NAPB: variants seen among roughly 807,000 people sequenced by gnomAD.
The protein encoded by NAPB is NSF attachment protein beta.
NAPB carries 26 observed loss-of-function variants against 44.7 expected under a neutral mutation model. The ratio of observed to expected loss-of-function variants is 0.58; its 90% CI spans 0.43 to 0.81. The LOEUF is 0.81. Among genes scored for constraint, NAPB ranks in the 30% least tolerant of loss-of-function variants. NAPB has a pLI of 0.00. For missense variants in NAPB, 315 were observed against 356.4 expected, an observed-to-expected ratio of 0.88 and a Z score of 0.94; for synonymous variants, 120 against 116.8, an observed-to-expected ratio of 1.03 and a Z score of -0.18.
In NAPB at chr20:23,377,240, G is replaced by A. The variant is rs1028001618; in HGVS notation, c.*136C>T. ...CATTTCACAGCAACACAGACTTGGC[G>A]AGCTTAAACAATACACAGGCCGTCT... On this transcript the variant is annotated 3_prime_UTR_variant, in exon 11 of 11. Coordinates refer to ENST00000377026, the MANE Select transcript of NAPB (RefSeq NM_022080.3). 12 of 436,538 alleles carry A rather than the reference G, an allele frequency of 2.7e-5. No homozygotes were observed. The highest frequency in any genetic ancestry group is 3.7e-5 in the Non-Finnish European group (9 of 243,128). 27.0% of individuals were successfully genotyped at this position (436,538 alleles called of 1,614,324 possible).
intron 2 of NAPB, among the ~76,000 whole-genome samples, chr20:23,399,951 T>G (rs1371251579): frequency 6.6e-6 from 1 of 152,202 alleles, no homozygotes; most frequent in East Asian, 1.9e-4. Context: ...CCATCTTTTT[T>G]TTACAATCTA....
intron 1 of NAPB, among the ~76,000 whole-genome samples, chr20:23,413,526 T>C (rs1985798697): frequency 6.6e-6 from 1 of 151,568 alleles, no homozygotes; most frequent in Non-Finnish European, 1.5e-5. Flanking sequence ...AAAGTATAAG[T>C]CAGTAAGACA....
chr20:23,420,497 G>A (rs980549654), intron 1 of NAPB, among the ~76,000 whole-genome samples: 6 of 152,058 alleles, frequency 3.9e-5, no homozygotes, highest in Admixed American at 2.6e-4. Flanking sequence ...TCCCCGGCGG[G>A]GCCCACCTGC....
chr20:23,379,800 A>G (rs1982851341), intron 9 of NAPB, 67 bp downstream of exon 9: 1 of 1,214,500 alleles, frequency 8.2e-7, no homozygotes, highest in African/African-American at 1.5e-5. Flanking sequence ...TTCATACCCA[A>G]TCCCACTTAG....
intron 2 of NAPB, among the ~76,000 whole-genome samples, chr20:23,398,479 C>CCTGCCT (rs1984546211): frequency 6.6e-6 from 1 of 152,082 alleles, no homozygotes; most frequent in African/African-American, 2.4e-5. Context: ...AAGAGATCCT[C>CCTGCCT]CTGCCTCAGC....
At chr20:23,381,186 G>T in intron 8 of NAPB, 27 bp downstream of exon 8, 1 of 1,483,904 alleles carries the variant, frequency 6.7e-7, no homozygotes, top group Non-Finnish European at 9.4e-7. Flanking sequence ...GGTGAAATCA[G>T]TCAATCAATG....
chr20:23,397,039 A>G (rs1300075202), intron 3 of NAPB, 33 bp downstream of exon 3: 8 of 1,596,852 alleles, frequency 5.0e-6, no homozygotes, highest in South Asian at 1.1e-5. Context: ...AGTTACACAC[A>G]GAGATAGCAT....
intron 2 of NAPB, among the ~76,000 whole-genome samples, chr20:23,400,651 A>C (rs995722692): frequency 4.6e-5 from 7 of 152,226 alleles, no homozygotes; most frequent in Non-Finnish European, 8.8e-5. Context: ...ATGATCTCTC[A>C]AAAGCTGAGT....
At chr20:23,386,818 T>C (rs2123156801) in intron 7 of NAPB, among the ~76,000 whole-genome samples, 2 of 152,330 alleles carry the variant, frequency 1.3e-5, no homozygotes, top group Middle Eastern at 6.8e-3. Flanking sequence ...CTGTACCCGT[T>C]TGCTGTAATA....
chr20:23,419,186 T>C (rs1307247402), intron 1 of NAPB, among the ~76,000 whole-genome samples: 1 of 152,196 alleles, frequency 6.6e-6, no homozygotes, highest in African/African-American at 2.4e-5. Flanking sequence ...CACTGGAAAC[T>C]GAAGCACAGA....
chr20:23,397,922 G>T (rs1042645297), intron 2 of NAPB, among the ~76,000 whole-genome samples: 1 of 152,192 alleles, frequency 6.6e-6, no homozygotes, highest in African/African-American at 2.4e-5. Context: ...TTCAGAAAAG[G>T]TTTTGGATCA....
intron 1 of NAPB, among the ~76,000 whole-genome samples, chr20:23,410,772 A>G (rs1016902366): frequency 5.3e-5 from 8 of 152,226 alleles, no homozygotes; most frequent in African/African-American, 1.9e-4. Context: ...GAATTAAAAT[A>G]CGTTCCCTAA....
chr20:23,380,976 C>T (rs2424528), intron 8 of NAPB: 126,436 of 422,742 alleles, frequency 0.3, 19,573 homozygotes, highest in East Asian at 0.35. Context: ...TGAGATCAGA[C>T]GAGATTGGGT....
At chr20:23,383,525 G>A (rs114753742) in intron 7 of NAPB, among the ~76,000 whole-genome samples, 2 of 152,208 alleles carry the variant, frequency 1.3e-5, no homozygotes, top group African/African-American at 2.4e-5. Flanking sequence ...GTAAAACCAT[G>A]GAAGCCATAA....
chr20:23,421,253 G>A (rs1986403691), intron 1 of NAPB, 52 bp downstream of exon 1: 23 of 1,417,984 alleles, frequency 1.6e-5, no homozygotes, highest in South Asian at 1.1e-4. Flanking sequence ...AAAGGAAGGG[G>A]GCCAAGTACG....
At chr20:23,403,156 T>C in intron 1 of NAPB, 84 bp from the exon 2 acceptor site, 3 of 949,102 alleles carry the variant, frequency 3.2e-6, no homozygotes, top group Non-Finnish European at 4.9e-6. Flanking sequence ...ATTTAGTATA[T>C]ACTTGCTATG....
chr20:23,403,012 C>T lies in NAPB; in HGVS notation c.159G>A (p.Lys53=). 1 of 1,613,856 alleles carries T rather than the reference C, an allele frequency of 6.2e-7. No homozygotes were observed. Among genetic ancestry groups the T allele is most frequent in the Middle Eastern group, 1.7e-4 (1 of 6,056 alleles). ...ACATACCACTCCAATTTTTAGCCAT[C>T]TTGAACATATTTGCAGCTCTGGTAT... is the stretch of plus-strand genomic sequence containing the variant. The part of the protein sequence containing the change: ...EMYTRAANMF[K]MAKNWSAAGN... The change falls in exon 2 of 11, where the codon AAG becomes AAA. Residue 53 remains lysine, a synonymous_variant. Coordinates refer to ENST00000377026, the MANE Select transcript of NAPB (RefSeq NM_022080.3).
At chr20:23,389,231 T>TA (rs71330886) in intron 7 of NAPB, among the ~76,000 whole-genome samples, 38,308 of 114,912 alleles carry the variant, frequency 0.33, 6,131 homozygotes, top group African/African-American at 0.38. Context: ...GACTATTATT[T>TA]AAAAAAAAAA....
intron 3 of NAPB, among the ~76,000 whole-genome samples, chr20:23,395,713 CAA>C (rs1246932048): frequency 1.3e-5 from 2 of 152,060 alleles, no homozygotes; most frequent in African/African-American, 4.8e-5. Flanking sequence ...GTATAATGTT[CAA>C]AGATGCTAAA....
Sources: allele counts gnomAD v4.1 joint callset (sites outside exome capture counted in the v4.1 genomes callset), GRCh38; gene constraint gnomAD v4.1.1; transcripts MANE v1.5; gene names NCBI Gene and HGNC (gene_info 2026-07-23, HGNC 2026-07-21).